HHLA2: variants seen among roughly 807,000 people sequenced by gnomAD.
HHLA2 encodes HHLA2 member of B7 family, also known as HERV-H LTR-associating protein 2.
A neutral mutation model predicts 45.9 loss-of-function variants in HHLA2; 48 were observed. That is an observed-to-expected ratio of 1.05 (90% confidence interval 0.83 to 1.33). HHLA2 has a LOEUF of 1.33. Ranked by LOEUF, HHLA2 falls within the 40% of genes most tolerant of loss-of-function variation. The pLI, the probability that HHLA2 is intolerant of heterozygous loss-of-function variation, is 0.00. For synonymous variants in HHLA2, 161 were observed against 173.9 expected (o/e 0.93, Z 0.59); for missense variants, 462 against 494.3 (o/e 0.93, Z 0.62).
At position 108,326,180 on chromosome 3, in the gene HHLA2, G is replaced by C. The variant is rs544079157; in HGVS notation, c.-104-2090G>C. ...ACCTGGTCTCTGAAGTTCTTCATTT[G>C]AGACAGCTCTGTTTGGTTCCACAAC... On this transcript the variant is annotated intron_variant, in intron 2 of 10. Coordinates refer to ENST00000619531, the Ensembl canonical transcript of HHLA2. 5 of 240,660 alleles carry C rather than the reference G, an allele frequency of 2.1e-5. No individual in the cohort carries two copies. The South Asian group carries it at 3.4e-4, about 16-fold the overall frequency. 14.9% of individuals were successfully genotyped at this position (240,660 alleles called of 1,614,324 possible).
At chr3:108,330,348 C>T (rs185554392) in intron 3 of HHLA2, among the ~76,000 whole-genome samples, 78 of 152,188 alleles carry the variant, frequency 5.1e-4, no homozygotes, top group Non-Finnish European at 9.4e-4. Context: ...AAGATTCTTG[C>T]CCCCAATGTA....
intron 3 of HHLA2, among the ~76,000 whole-genome samples, chr3:108,338,301 G>C (rs2081509151): frequency 6.6e-6 from 1 of 151,938 alleles, no homozygotes; most frequent in Non-Finnish European, 1.5e-5. Flanking sequence ...TAGGAGATAT[G>C]AGGTGTCAGT....
At chr3:108,361,163 T>G (rs550058721) in intron 7 of HHLA2, among the ~76,000 whole-genome samples, 152 of 152,354 alleles carry the variant, frequency 1.0e-3, no homozygotes, top group African/African-American at 3.5e-3. Flanking sequence ...CTCCAGTTAT[T>G]TCTGAGGAGC....
intron 3 of HHLA2, among the ~76,000 whole-genome samples, chr3:108,331,929 G>A (rs2081393164): frequency 6.6e-6 from 1 of 151,964 alleles, no homozygotes. Flanking sequence ...ACCACATAAA[G>A]TTGTATAAGT....
chr3:108,359,834 T>A (rs1218873065), intron 7 of HHLA2, among the ~76,000 whole-genome samples: 1 of 152,190 alleles, frequency 6.6e-6, no homozygotes, highest in Non-Finnish European at 1.5e-5. Context: ...CCCCAGTGGA[T>A]GCCTGAAACT....
intron 8 of HHLA2, among the ~76,000 whole-genome samples, chr3:108,374,906 G>A (rs2082245475): frequency 6.7e-6 from 1 of 148,428 alleles, no homozygotes; most frequent in Non-Finnish European, 1.5e-5. Context: ...TTCAACCATT[G>A]TGGAAGTCAG....
At chr3:108,368,321 C>G (rs2082101228) in intron 8 of HHLA2, among the ~76,000 whole-genome samples, 2 of 151,600 alleles carry the variant, frequency 1.3e-5, no homozygotes, top group African/African-American at 2.4e-5. Flanking sequence ...AATAACTAGC[C>G]AGCATCATGA....
At chr3:108,366,332 C>G (rs1332229643) in intron 8 of HHLA2, among the ~76,000 whole-genome samples, 2 of 152,226 alleles carry the variant, frequency 1.3e-5, no homozygotes, top group Non-Finnish European at 2.9e-5. Flanking sequence ...ATGAAGCCAA[C>G]TTTATCATGG....
chr3:108,346,068 C>T (rs80274046), intron 3 of HHLA2, among the ~76,000 whole-genome samples: 1 of 152,100 alleles, frequency 6.6e-6, no homozygotes. Flanking sequence ...TTCACTTCCC[C>T]TTTTCCCTCA....
At chr3:108,370,641 T>C (rs1237408193) in intron 8 of HHLA2, among the ~76,000 whole-genome samples, 1 of 152,106 alleles carries the variant, frequency 6.6e-6, no homozygotes, top group African/African-American at 2.4e-5. Flanking sequence ...AAGGACCCGA[T>C]GGAGCTGAAA....
At chr3:108,357,714 T>C (rs2081919370) in intron 6 of HHLA2, 130 bp from the exon 6 acceptor site, 1 of 743,822 alleles carries the variant, frequency 1.3e-6, no homozygotes, top group Non-Finnish European at 2.2e-6. Context: ...CAAATATAAT[T>C]ACTTTCCAAA....
intron 2 of HHLA2, among the ~76,000 whole-genome samples, chr3:108,313,448 G>A (rs1301000226): frequency 2.0e-5 from 3 of 152,120 alleles, no homozygotes; most frequent in East Asian, 1.9e-4. Context: ...AGGAGTGGGA[G>A]CATTTATTCA....
At chr3:108,364,419 G>C (rs918846389) in intron 8 of HHLA2, among the ~76,000 whole-genome samples, 11 of 152,178 alleles carry the variant, frequency 7.2e-5, no homozygotes, top group South Asian at 2.1e-4. Flanking sequence ...TTGGTTCCAA[G>C]TCTTTGCTAT....
At chr3:108,300,201 G>A (rs957322864) in intron 1 of HHLA2, among the ~76,000 whole-genome samples, 14 of 152,140 alleles carry the variant, frequency 9.2e-5, no homozygotes, top group African/African-American at 3.1e-4. Context: ...ACCTGGGAGA[G>A]ACAGTGTGTG....
At chr3:108,344,909 CAAG>C (rs759071427) in intron 3 of HHLA2, among the ~76,000 whole-genome samples, 7 of 152,164 alleles carry the variant, frequency 4.6e-5, no homozygotes, top group Non-Finnish European at 8.8e-5. Context: ...ACCCATTTGA[CAAG>C]AAGAAACATT....
rs188430403 is a variant in HHLA2 at position 108,356,105 on chromosome 3, A to G, written c.685+724A>G. Among the ~76,000 whole-genome samples the G allele has an allele frequency of 2.9e-3, 412 of 143,106 alleles. 2 individuals carry two copies. The highest frequency in any genetic ancestry group is 9.8e-3 in the African/African-American group (377 of 38,320). 93.9% of individuals were successfully genotyped at this position (143,106 alleles called of 152,430 possible). ...AGTACAGTGGCATGATCTCAGCTCA[A>G]TGCAACCTCCACCTCCCAGTTTCAA... On this transcript the variant is annotated intron_variant, in intron 6 of 10. Coordinates refer to ENST00000619531, the Ensembl canonical transcript of HHLA2.
intron 8 of HHLA2, among the ~76,000 whole-genome samples, chr3:108,374,178 A>T (rs1383449064): frequency 6.6e-6 from 1 of 150,914 alleles, no homozygotes; most frequent in Non-Finnish European, 1.5e-5. Context: ...AATGCCGCAT[A>T]TCTACAACCA....
intron 3 of HHLA2, among the ~76,000 whole-genome samples, chr3:108,348,851 A>G (rs2081721416): frequency 7.3e-6 from 1 of 136,196 alleles, no homozygotes; most frequent in Admixed American, 7.8e-5. Context: ...CCCTGTGTCC[A>G]TGTTCCACTC....
At chr3:108,339,388 A>T (rs902534664) in intron 3 of HHLA2, among the ~76,000 whole-genome samples, 1 of 152,230 alleles carries the variant, frequency 6.6e-6, no homozygotes, top group Non-Finnish European at 1.5e-5. Context: ...CCTCAAAGTC[A>T]TAAGCCCAAC....
Sources: allele counts gnomAD v4.1 joint callset (sites outside exome capture counted in the v4.1 genomes callset), GRCh38; gene constraint gnomAD v4.1.1; transcripts MANE v1.5; gene names NCBI Gene and HGNC (gene_info 2026-07-23, HGNC 2026-07-21).